The following MSRA variants were observed in gnomAD, a reference collection of about 807,000 sequenced individuals.
The protein encoded by MSRA is mitochondrial peptide methionine sulfoxide reductase.
In MSRA, 54 loss-of-function variants were observed where a neutral mutation model predicts 31.3. That is an observed-to-expected ratio of 1.73 (90% CI 1.39 to 2.17). The LOEUF (loss-of-function observed/expected upper bound fraction) is 2.17. Among genes scored for constraint, MSRA ranks in the 30% most tolerant of loss-of-function variants. The pLI, the probability that MSRA is intolerant of heterozygous loss-of-function variation, is 0.00. For synonymous variants in MSRA, 169 were observed against 116.5 expected, an observed-to-expected ratio of 1.45 and a Z score of -2.90; for missense variants, 507 against 300.9, an observed-to-expected ratio of 1.69 and a Z score of -5.07.
At chr8:10,255,671 A>G (rs947312399) in intron 3 of MSRA, among the ~76,000 whole-genome samples, 1 of 151,830 alleles carries the variant, frequency 6.6e-6, no homozygotes, top group Non-Finnish European at 1.5e-5. Flanking sequence ...TGCGTTTGAT[A>G]GTTTGAAAAT....
intron 3 of MSRA, among the ~76,000 whole-genome samples, chr8:10,275,244 C>G (rs1799261909): frequency 6.6e-6 from 1 of 152,108 alleles, no homozygotes; most frequent in South Asian, 2.1e-4. Flanking sequence ...GTTTTCATCC[C>G]CGTGATTGCA....
At chr8:10,266,304 G>A (rs144277419) in intron 3 of MSRA, among the ~76,000 whole-genome samples, 32 of 152,260 alleles carry the variant, frequency 2.1e-4, no homozygotes, top group East Asian at 1.9e-3. Context: ...GTGTGTAGCC[G>A]TATCCTACTG....
intron 3 of MSRA, among the ~76,000 whole-genome samples, chr8:10,297,679 G>A (rs1249343619): frequency 6.6e-6 from 1 of 152,208 alleles, no homozygotes; most frequent in East Asian, 1.9e-4. Context: ...TTAAAGGTGA[G>A]TTTGGCAAGG....
intron 1 of MSRA, among the ~76,000 whole-genome samples, chr8:10,139,892 A>T (rs922558895): frequency 2.0e-5 from 3 of 152,164 alleles, no homozygotes; most frequent in Non-Finnish European, 4.4e-5. Context: ...GTTGTGTGTA[A>T]AGTGCCCATA....
At chr8:10,414,175 A>G (rs1368241967) in intron 5 of MSRA, among the ~76,000 whole-genome samples, 1 of 152,156 alleles carries the variant, frequency 6.6e-6, no homozygotes, top group African/African-American at 2.4e-5. Context: ...TATGAAGAAA[A>G]AAAAAACGAA....
At chr8:10,207,021 T>C (rs1408183417) in intron 1 of MSRA, among the ~76,000 whole-genome samples, 3 of 152,208 alleles carry the variant, frequency 2.0e-5, no homozygotes, top group African/African-American at 7.2e-5. Flanking sequence ...TTAGCTATCC[T>C]TTTCTTTTGT....
intron 1 of MSRA, among the ~76,000 whole-genome samples, chr8:10,151,228 T>C (rs113922172): frequency 0.039 from 5,713 of 144,994 alleles, 152 homozygotes; most frequent in South Asian, 0.064. Flanking sequence ...CACCACTGCA[T>C]TCCAGCCTGG....
At chr8:10,352,144 G>C (rs975718873) in intron 5 of MSRA, among the ~76,000 whole-genome samples, 1 of 152,190 alleles carries the variant, frequency 6.6e-6, no homozygotes, top group Non-Finnish European at 1.5e-5. Flanking sequence ...TGCTGGTGCC[G>C]ATGAGCAGGG....
intron 3 of MSRA, among the ~76,000 whole-genome samples, chr8:10,293,719 G>T (rs1422390020): frequency 6.6e-6 from 1 of 151,834 alleles, no homozygotes; most frequent in African/African-American, 2.4e-5. Context: ...CTCCCCTCCT[G>T]CTTCCTCCCC....
At chr8:10,352,992 T>C (rs913833460) in intron 5 of MSRA, among the ~76,000 whole-genome samples, 3 of 152,190 alleles carry the variant, frequency 2.0e-5, no homozygotes, top group Non-Finnish European at 2.9e-5. Flanking sequence ...TGAACTGTTT[T>C]TGAGGTGTGT....
intron 1 of MSRA, among the ~76,000 whole-genome samples, chr8:10,078,602 G>T (rs929334791): frequency 2.6e-5 from 4 of 152,230 alleles, no homozygotes; most frequent in African/African-American, 9.6e-5. Flanking sequence ...GTGTAGGGCT[G>T]GCAGCTGCCA....
Position 10,185,465 on chromosome 8 carries a change from C to G in MSRA, c.143-22368C>G, listed in dbSNP as rs148642057. Among the ~76,000 whole-genome samples, 906 of 152,066 alleles carry G rather than the reference C, an allele frequency of 6.0e-3. 1 individual carries two copies. Among genetic ancestry groups the G allele is most frequent in the Middle Eastern group, 0.01 (3 of 294 alleles). On this transcript the variant is annotated intron_variant, in intron 1 of 5. Coordinates refer to ENST00000317173, the MANE Select transcript of MSRA (RefSeq NM_012331.5). ...CAACCCTGTTTCTGCCTTTCTACCT[C>G]AGAGTTAATGCCCTGAAGATGCCAC...
intron 2 of MSRA, among the ~76,000 whole-genome samples, chr8:10,242,587 A>G (rs905392264): frequency 2.6e-5 from 4 of 152,182 alleles, no homozygotes; most frequent in Non-Finnish European, 5.9e-5. Flanking sequence ...TTGTTTTATA[A>G]CAAAAGGCTA....
At chr8:10,256,885 C>A (rs1221769293) in intron 3 of MSRA, among the ~76,000 whole-genome samples, 1 of 152,170 alleles carries the variant, frequency 6.6e-6, no homozygotes, top group Non-Finnish European at 1.5e-5. Context: ...CCCTCCTTCT[C>A]CTGCCCCAAA....
chr8:10,194,280 A>T (rs901968137), intron 1 of MSRA, among the ~76,000 whole-genome samples: 1 of 152,208 alleles, frequency 6.6e-6, no homozygotes, highest in African/African-American at 2.4e-5. Context: ...AAAGAAGATA[A>T]TTAAGGCTAG....
intron 1 of MSRA, among the ~76,000 whole-genome samples, chr8:10,092,485 C>G (rs745723573): frequency 6.6e-6 from 1 of 152,094 alleles, no homozygotes; most frequent in Non-Finnish European, 1.5e-5. Context: ...GTGTGAAACC[C>G]CATCTTTACT....
intron 5 of MSRA, among the ~76,000 whole-genome samples, chr8:10,391,824 G>C (rs1806768464): frequency 6.6e-6 from 1 of 152,230 alleles, no homozygotes; most frequent in Non-Finnish European, 1.5e-5. Context: ...AATTATGAGT[G>C]AGCAGACGGT....
At chr8:10,265,568 T>G (rs1161795045) in intron 3 of MSRA, among the ~76,000 whole-genome samples, 9 of 152,220 alleles carry the variant, frequency 5.9e-5, no homozygotes, top group Non-Finnish European at 8.8e-5. Context: ...CCCTGGCCTT[T>G]TCACTTTTCA....
chr8:10,085,834 A>C (rs1334904860), intron 1 of MSRA, among the ~76,000 whole-genome samples: 1 of 152,228 alleles, frequency 6.6e-6, no homozygotes, highest in Non-Finnish European at 1.5e-5. Context: ...TAGAAAAGGA[A>C]TCATCCAACA....
Sources: gnomAD v4.1 joint callset for allele counts (sites outside exome capture counted in the v4.1 genomes callset) on GRCh38, gnomAD v4.1.1 for gene constraint, MANE v1.5 for transcripts, NCBI Gene and HGNC (gene_info 2026-07-23, HGNC 2026-07-21) for gene names.